NAALADL2: variants seen among roughly 807,000 people sequenced by gnomAD.
The protein encoded by NAALADL2 is N-acetylated alpha-linked acidic dipeptidase like 2.
In NAALADL2, 76 loss-of-function variants were observed where a neutral mutation model predicts 87.2. The observed-to-expected ratio is 0.87, with a 90% confidence interval of 0.72 to 1.05. The LOEUF (loss-of-function observed/expected upper bound fraction) is 1.05, where lower values mean the gene tolerates loss of function less well. NAALADL2 is among the 50% of genes least tolerant of loss of function. The pLI is 0.00. For synonymous variants in NAALADL2, 354 were observed against 331.0 expected, an observed-to-expected ratio of 1.07 and a Z score of -0.75; for missense variants, 1,089 against 945.8, an observed-to-expected ratio of 1.15 and a Z score of -1.99.
At chr3:174,731,920 A>T (rs2108984918) in intron 2 of NAALADL2, among the ~76,000 whole-genome samples, 1 of 152,244 alleles carries the variant, frequency 6.6e-6, no homozygotes, top group Non-Finnish European at 1.5e-5. Flanking sequence ...GAGAGTAAAT[A>T]TTTTAGGTTT....
intron 3 of NAALADL2, among the ~76,000 whole-genome samples, chr3:174,762,142 A>AT (rs1318127856): frequency 5.3e-5 from 8 of 150,014 alleles, no homozygotes; most frequent in South Asian, 2.1e-4. Context: ...TGGGGAAGTG[A>AT]TTTTTTCTAT....
chr3:175,142,693 C>A (rs1361232217), intron 2 of NAALADL2, among the ~76,000 whole-genome samples: 2 of 151,856 alleles, frequency 1.3e-5, no homozygotes, highest in Non-Finnish European at 2.9e-5. Context: ...AGTTCTGTCT[C>A]ATTCAGTATT....
chr3:175,179,668 T>C (rs1316052545), intron 2 of NAALADL2, among the ~76,000 whole-genome samples: 1 of 152,034 alleles, frequency 6.6e-6, no homozygotes, highest in Non-Finnish European at 1.5e-5. Context: ...GGGTTACTTC[T>C]AGAGAGACTT....
intron 2 of NAALADL2, among the ~76,000 whole-genome samples, chr3:174,702,786 T>C (rs551766165): frequency 1.3e-5 from 2 of 152,336 alleles, no homozygotes; most frequent in African/African-American, 4.8e-5. Context: ...CTCTTGTATA[T>C]GTGGTCCATC....
At position 175,665,799 on chromosome 3, in the gene NAALADL2, T is replaced by C. The variant is rs1033793996; in HGVS notation, c.1896+38413T>C. ...TACAAAAATTAGCTGGACGTGGTGG[T>C]GCATGCCTGTAGTCCCAGCTACTAG... On this transcript the variant is annotated intron_variant, in intron 11 of 13. Coordinates refer to ENST00000454872, the MANE Select transcript of NAALADL2 (RefSeq NM_207015.3). Among the ~76,000 whole-genome samples, 8 of 152,022 alleles carry C rather than the reference T, an allele frequency of 5.3e-5. No individual in the cohort carries two copies. The East Asian group carries it at 1.6e-3, about 30-fold the overall frequency.
intron 9 of NAALADL2, among the ~76,000 whole-genome samples, chr3:175,571,585 C>T (rs1718084379): frequency 6.6e-6 from 1 of 152,140 alleles, no homozygotes; most frequent in African/African-American, 2.4e-5. Flanking sequence ...TCTATTACCT[C>T]ACATGGATCT....
chr3:175,366,426 A>G (rs899961855), intron 5 of NAALADL2, among the ~76,000 whole-genome samples: 9 of 151,838 alleles, frequency 5.9e-5, no homozygotes, highest in Non-Finnish European at 1.0e-4. Flanking sequence ...TCCCTGAGAA[A>G]TCGCCACACT....
chr3:175,173,313 T>TAAATA (rs1553799208), intron 2 of NAALADL2, among the ~76,000 whole-genome samples: 1 of 51,362 alleles, frequency 1.9e-5, no homozygotes, highest in Admixed American at 1.7e-4. Context: ...ATAAATAAAA[T>TAAATA]AAATAAATAA....
chr3:175,780,657 C>T (rs1750926479), intron 13 of NAALADL2, among the ~76,000 whole-genome samples: 1 of 152,146 alleles, frequency 6.6e-6, no homozygotes, highest in South Asian at 2.1e-4. Context: ...ATTGATATCA[C>T]TGTATCTCAT....
chr3:174,617,707 G>C (rs1186586613), intron 2 of NAALADL2, among the ~76,000 whole-genome samples: 1 of 151,692 alleles, frequency 6.6e-6, no homozygotes, highest in Non-Finnish European at 1.5e-5. Flanking sequence ...AATGAAAAAG[G>C]CATTTGTGGT....
intron 5 of NAALADL2, among the ~76,000 whole-genome samples, chr3:175,408,569 T>A (rs1032296965): frequency 1.3e-5 from 2 of 152,014 alleles, no homozygotes; most frequent in Admixed American, 1.3e-4. Context: ...GAGCACCTGA[T>A]AAAATTTCAA....
chr3:175,634,909 T>C (rs1291663642), intron 11 of NAALADL2, among the ~76,000 whole-genome samples: 6 of 151,974 alleles, frequency 3.9e-5, no homozygotes, highest in Non-Finnish European at 8.8e-5. Context: ...TTTCATGACA[T>C]GAGCTAAAAC....
At chr3:174,589,040 C>T (rs1717053881) in intron 2 of NAALADL2, among the ~76,000 whole-genome samples, 1 of 152,118 alleles carries the variant, frequency 6.6e-6, no homozygotes, top group Non-Finnish European at 1.5e-5. Context: ...TCCAGCTTCC[C>T]AGCCACTTTG....
chr3:174,751,634 G>A (rs1578784910), intron 3 of NAALADL2, among the ~76,000 whole-genome samples: 1 of 138,738 alleles, frequency 7.2e-6, no homozygotes, highest in Non-Finnish European at 1.5e-5. Flanking sequence ...CTGCACTCCA[G>A]CCTTGCTGAC....
At chr3:175,548,971 A>G (rs1455713298) in intron 9 of NAALADL2, among the ~76,000 whole-genome samples, 2 of 152,026 alleles carry the variant, frequency 1.3e-5, no homozygotes, top group African/African-American at 4.8e-5. Context: ...CCAGACCAGA[A>G]AATGCCTGAA....
intron 2 of NAALADL2, among the ~76,000 whole-genome samples, chr3:175,211,209 A>G (rs1560170381): frequency 2.0e-5 from 3 of 151,912 alleles, no homozygotes; most frequent in South Asian, 4.1e-4. Context: ...ATCTATTGAA[A>G]CTGCCTTGGA....
intron 2 of NAALADL2, among the ~76,000 whole-genome samples, chr3:175,173,824 G>A (rs1324259553): frequency 2.0e-5 from 3 of 152,208 alleles, no homozygotes; most frequent in Non-Finnish European, 4.4e-5. Context: ...TTCAGTAAGT[G>A]TGTTGAAGTG....
At chr3:174,694,482 T>C (rs1728850917) in intron 2 of NAALADL2, among the ~76,000 whole-genome samples, 1 of 152,084 alleles carries the variant, frequency 6.6e-6, no homozygotes, top group Admixed American at 6.5e-5. Flanking sequence ...CTTTTCCTAA[T>C]ACCTGGAACA....
rs1406543781 is a variant in NAALADL2 at position 175,206,309 on chromosome 3, TATAC to T, written c.546-27620_546-27617del. On this transcript the variant is annotated intron_variant, in intron 2 of 13. Coordinates refer to ENST00000454872, the MANE Select transcript of NAALADL2 (RefSeq NM_207015.3). ...GTGTATGTATGTGTATATATATATA[TATAC>T]ACATACATACACACACACACACATA... Among the ~76,000 whole-genome samples the T allele has an allele frequency of 5.7e-4, 76 of 134,382 alleles. 3 individuals carry two copies. The highest frequency in any genetic ancestry group is 2.1e-3 in the African/African-American group (68 of 31,834). The allele number at this position is 134,382 out of a possible 152,430, so 88.2% of individuals were successfully genotyped here.
Sources: gnomAD v4.1 joint callset for allele counts (sites outside exome capture counted in the v4.1 genomes callset) on GRCh38, gnomAD v4.1.1 for gene constraint, MANE v1.5 for transcripts, NCBI Gene and HGNC (gene_info 2026-07-23, HGNC 2026-07-21) for gene names.